Variants in ADARB1 observed in about 807,000 individuals in gnomAD.
ADARB1 encodes double-stranded RNA-specific editase 1.
A neutral mutation model predicts 52.4 loss-of-function variants in ADARB1; 10 were observed. The ratio of observed to expected loss-of-function variants is 0.19; its 90% CI spans 0.12 to 0.32. The LOEUF (loss-of-function observed/expected upper bound fraction) is 0.32. Ranked by LOEUF, ADARB1 falls within the 10% of genes least tolerant of loss-of-function variation. The pLI, the probability that ADARB1 is intolerant of heterozygous loss-of-function variation, is 1.00. For missense variants in ADARB1, 643 were observed against 922.3 expected (o/e 0.70, Z 3.92); for synonymous variants, 349 against 371.1 (o/e 0.94, Z 0.68).
At chr21:45,096,343 AG>A (rs2086760378) in intron 1 of ADARB1, among the ~76,000 whole-genome samples, 1 of 152,194 alleles carries the variant, frequency 6.6e-6, no homozygotes, top group Non-Finnish European at 1.5e-5. Context: ...GCTCTGAGGA[AG>A]GGTTTTGCAT....
chr21:45,122,417 C>A (rs1425596755), intron 1 of ADARB1, among the ~76,000 whole-genome samples: 2 of 152,216 alleles, frequency 1.3e-5, no homozygotes, highest in African/African-American at 2.4e-5. Flanking sequence ...TCCCTCTTTT[C>A]ATAGCATTGC....
rs1006946626 is a variant in ADARB1 at position 45,184,638 on chromosome 21, A to G, written c.1397-285A>G. On this transcript the variant is annotated intron_variant, in intron 7 of 10. Coordinates refer to ENST00000348831, the MANE Select transcript of ADARB1 (RefSeq NM_001112.4). ...GCTAATTTTTATATTTTTTATAGAG[A>G]TGGGGTTTCACCATGTTGCCCAGGC... The G allele has an allele frequency of 9.1e-6, 3 of 328,240 alleles. No homozygotes were observed. In the Admixed American group the frequency reaches 1.3e-4, roughly 14 times the overall value. The allele number at this position is 328,240 out of a possible 1,614,324, so 20.3% of individuals were successfully genotyped here.
At position 45,220,539 on chromosome 21, in the gene ADARB1, A is replaced by G. The variant is rs2092944689; in HGVS notation, c.1748-297A>G. Among the ~76,000 whole-genome samples the G allele has an allele frequency of 6.6e-6, 1 of 152,168 alleles. No homozygotes were observed. The highest frequency in any genetic ancestry group is 1.5e-5 in the Non-Finnish European group (1 of 68,028). ...AGTGAGAAAAGACACACTTGTCAGG[A>G]AGTCTCATGATTTCAGGTTTCTGTC... On this transcript the variant is annotated intron_variant, in intron 9 of 10. Coordinates refer to ENST00000348831, the MANE Select transcript of ADARB1 (RefSeq NM_001112.4). The surrounding 1 kb of genome is among the most constrained non-coding windows in gnomAD (Gnocchi z 6.3).
intron 1 of ADARB1, among the ~76,000 whole-genome samples, chr21:45,105,106 TGTTTTG>T (rs908429066): frequency 5.3e-5 from 8 of 151,460 alleles, no homozygotes; most frequent in African/African-American, 1.5e-4. Context: ...TGTTTTGTTT[TGTTTTG>T]TTTTTTTAGA....
chr21:45,098,115 C>T (rs867465597), intron 1 of ADARB1, among the ~76,000 whole-genome samples: 10 of 152,206 alleles, frequency 6.6e-5, no homozygotes, highest in Admixed American at 2.6e-4. Context: ...GCTTCCCACC[C>T]GGGTGCTTGC....
Position 45,223,520 on chromosome 21 carries a change from G to A in ADARB1, c.*1323G>A, listed in dbSNP as rs745365306. 8.3e-5 allele frequency: 82 copies of A among 985,588 alleles called. No homozygotes were observed. Among genetic ancestry groups the A allele is most frequent in the Non-Finnish European group, 9.3e-5 (77 of 830,140 alleles). The allele number at this position is 985,588 out of a possible 1,614,324, so 61.1% of individuals were successfully genotyped here. ...CCGCTCAGGATGAAAGAGGAGCTGAGAGAAGTGCTCTGCCTGCCAGTGCAG... is the reference window on the plus strand; with the variant it reads ...CCGCTCAGGATGAAAGAGGAGCTGAAAGAAGTGCTCTGCCTGCCAGTGCAG... On this transcript the variant is annotated 3_prime_UTR_variant, in exon 11 of 11. Coordinates refer to ENST00000348831, the MANE Select transcript of ADARB1 (RefSeq NM_001112.4).
At position 45,171,629 on chromosome 21, in the gene ADARB1, G is replaced by T; in HGVS notation, c.-28G>T. On this transcript the variant is annotated 5_prime_UTR_variant, in exon 3 of 11. Coordinates refer to ENST00000348831, the MANE Select transcript of ADARB1 (RefSeq NM_001112.4). The stretch of plus-strand genomic sequence containing the variant: ...TTTCAGACAGAAACAGTCTCCGCCA[G>T]TCAAGAAACCCTCAAAAGTATTTTG... 6.2e-7 allele frequency: 1 copy of T among 1,613,262 alleles called. No individual in the cohort carries two copies. The highest frequency in any genetic ancestry group is 1.1e-5 in the South Asian group (1 of 91,030).
At chr21:45,127,372 T>G (rs2088653703) in intron 1 of ADARB1, among the ~76,000 whole-genome samples, 1 of 152,200 alleles carries the variant, frequency 6.6e-6, no homozygotes, top group East Asian at 1.9e-4. Context: ...AAGATGACTC[T>G]GTGACCTGTA....
intron 2 of ADARB1, among the ~76,000 whole-genome samples, chr21:45,135,744 G>A (rs1326486875): frequency 6.6e-6 from 1 of 151,940 alleles, no homozygotes; most frequent in Admixed American, 6.6e-5. Flanking sequence ...AGAAAAATTG[G>A]AAAAAAAACA....
chr21:45,202,547 C>T (rs1379287938), intron 8 of ADARB1, among the ~76,000 whole-genome samples: 2 of 152,140 alleles, frequency 1.3e-5, no homozygotes, highest in Admixed American at 1.3e-4. Context: ...GAGTGAGTGA[C>T]AGAGGGGGGA....
intron 1 of ADARB1, among the ~76,000 whole-genome samples, chr21:45,112,254 C>T (rs1390941448): frequency 6.6e-6 from 1 of 152,190 alleles, no homozygotes; most frequent in African/African-American, 2.4e-5. Context: ...GGTTTTCCCC[C>T]TGAAAATGAT....
intron 1 of ADARB1, among the ~76,000 whole-genome samples, chr21:45,084,301 G>A (rs950155703): frequency 1.3e-4 from 20 of 152,226 alleles, no homozygotes; most frequent in African/African-American, 4.8e-4. Flanking sequence ...GTGGTGCTAC[G>A]TCACTTCCTG....
At position 45,175,776 on chromosome 21, in the gene ADARB1, G is replaced by A; in HGVS notation, c.75G>A (p.Val25=). The change falls in exon 4 of 11, where the codon GTG becomes GTA. Residue 25 remains valine (V), a synonymous_variant. Coordinates refer to ENST00000348831, the MANE Select transcript of ADARB1 (RefSeq NM_001112.4). Reference sequence around the variant, plus strand: ...AGGAAAACCGCAATCTGGACAACGTGTCCCCCAAGGATGGCAGCACACCTG... The same window carrying A: ...AGGAAAACCGCAATCTGGACAACGTATCCCCCAAGGATGGCAGCACACCTG... The part of the protein sequence containing the change: ...DVKENRNLDN[V]SPKDGSTPGP... The A allele has an allele frequency of 6.2e-7, 1 of 1,614,178 alleles. No individual in the cohort carries two copies. The highest frequency in any genetic ancestry group is 8.5e-7 in the Non-Finnish European group (1 of 1,180,024).
intron 8 of ADARB1, among the ~76,000 whole-genome samples, chr21:45,189,061 GTAA>G (rs1157978405): frequency 1.3e-5 from 2 of 152,148 alleles, no homozygotes; most frequent in African/African-American, 4.8e-5. Context: ...GAGTAGCATG[GTAA>G]AGACCTGCCC....
chr21:45,124,523 C>T (rs1464326433), intron 1 of ADARB1, among the ~76,000 whole-genome samples: 2 of 151,792 alleles, frequency 1.3e-5, no homozygotes, highest in South Asian at 2.1e-4. Flanking sequence ...TACAGGTGCA[C>T]GCCACCACAC....
At chr21:45,084,562 G>C (rs535003820) in intron 1 of ADARB1, among the ~76,000 whole-genome samples, 7 of 152,222 alleles carry the variant, frequency 4.6e-5, no homozygotes, top group Non-Finnish European at 8.8e-5. Flanking sequence ...ACTAGACTGT[G>C]TTAGTTGTCT....
At chr21:45,151,762 G>A (rs907602557) in intron 2 of ADARB1, among the ~76,000 whole-genome samples, 1 of 152,210 alleles carries the variant, frequency 6.6e-6, no homozygotes, top group African/African-American at 2.4e-5. Flanking sequence ...TATGATGTGT[G>A]TATGTGATGT....
intron 9 of ADARB1, among the ~76,000 whole-genome samples, chr21:45,216,075 T>C (rs2092856845): frequency 1.3e-5 from 2 of 152,308 alleles, no homozygotes; most frequent in South Asian, 4.1e-4. Context: ...TCAGGGAATT[T>C]GTCCATTTCA....
chr21:45,208,750 G>A lies in ADARB1; in HGVS notation c.1747+4014G>A, dbSNP rs143770952. ...AGAGAGTGTGTGTGTGTGTGTATGC[G>A]TATTCTCCAGGTAAGAGCAGGCACC... On this transcript the variant is annotated intron_variant, in intron 9 of 10. Coordinates refer to ENST00000348831, the MANE Select transcript of ADARB1 (RefSeq NM_001112.4). This position sits in a 1 kb window ranked among gnomAD's most constrained non-coding sequence, Gnocchi z 5.6. Among the ~76,000 whole-genome samples the A allele has an allele frequency of 5.2e-3, 786 of 152,114 alleles. 4 individuals carry two copies. The highest frequency in any genetic ancestry group is 8.0e-3 in the Non-Finnish European group (541 of 67,982).
Sources: gnomAD v4.1 joint callset for allele counts (sites outside exome capture counted in the v4.1 genomes callset) on GRCh38, gnomAD v4.1.1 for gene constraint, Gnocchi (gnomAD v3.1) non-coding constraint, MANE v1.5 for transcripts, NCBI Gene and HGNC (gene_info 2026-07-23, HGNC 2026-07-21) for gene names.